Variants in GPR180 observed in about 807,000 individuals in gnomAD.
GPR180 encodes the protein integral membrane protein GPR180.
Under a neutral mutation model 52.6 loss-of-function variants are expected in GPR180, and 53 were observed. The observed-to-expected ratio is 1.01, with a 90% confidence interval of 0.81 to 1.27. The LOEUF (loss-of-function observed/expected upper bound fraction) is 1.27, where lower values mean the gene tolerates loss of function less well. GPR180 is among the 50% of genes most tolerant of loss of function. GPR180 has a pLI of 0.00. For missense variants in GPR180, 533 were observed against 527.0 expected (o/e 1.01, Z -0.11); for synonymous variants, 200 against 193.1 (o/e 1.04, Z -0.30).
Position 94,631,268 on chromosome 13 carries a change from C to T in GPR180, c.*4097C>T, listed in dbSNP as rs1346498901. The stretch of plus-strand genomic sequence containing the variant: ...TTCCACTCAGTTCCCACAGGTTCTA[C>T]TCATCCTAGCAAGTTCCTTGCTTCC... On this transcript the variant is annotated 3_prime_UTR_variant, in exon 9 of 9. Coordinates refer to ENST00000376958, the MANE Select transcript of GPR180 (RefSeq NM_180989.6). 6.6e-6 allele frequency: 1 copy of T among 152,250 alleles called. No individual in the cohort carries two copies. The highest frequency in any genetic ancestry group is 1.9e-4 in the East Asian group (1 of 5,190). 9.4% of individuals were successfully genotyped at this position (152,250 alleles called of 1,614,324 possible).
rs191839997 is a variant in GPR180, at chr13:94,628,769, T to C, written c.*1598T>C. 1 of 152,224 alleles carries C rather than the reference T, an allele frequency of 6.6e-6. No homozygotes were observed. Among genetic ancestry groups the C allele is most frequent in the Non-Finnish European group, 1.5e-5 (1 of 67,956 alleles). The allele number at this position is 152,224 out of a possible 1,614,324, so 9.4% of individuals were successfully genotyped here. A position where few individuals can be genotyped will look rare whatever the true frequency, so the allele number is the denominator to read the frequency against. ...TATGTTTTAGGTATACATGATCGTC[T>C]GAGTGGTCATAACCTTTTCTTTTAT... On this transcript the variant is annotated 3_prime_UTR_variant, in exon 9 of 9. Transcript: ENST00000376958.
At chr13:94,609,862 C>T (rs6492722) in intron 2 of GPR180, among the ~76,000 whole-genome samples, 52,679 of 151,574 alleles carry the variant, frequency 0.35, 10,725 homozygotes, top group African/African-American at 0.55. Flanking sequence ...CACCAATGAA[C>T]GAAATTCCCA....
rs992142068 is a variant in GPR180 at position 94,630,305 on chromosome 13, C to T, written c.*3134C>T. 1 of 152,220 alleles carries T rather than the reference C, an allele frequency of 6.6e-6. No homozygotes were observed. Among genetic ancestry groups the T allele is most frequent in the Non-Finnish European group, 1.5e-5 (1 of 68,058 alleles). 9.4% of individuals were successfully genotyped at this position (152,220 alleles called of 1,614,324 possible). ...TTGTGCTGTAGGAGTGCCATGAAGC[C>T]TGGAGGTGAGGAAAGAAGTGATCCT... On this transcript the variant is annotated 3_prime_UTR_variant, in exon 9 of 9. Transcript: ENST00000376958.
chr13:94,604,903 T>TA (rs777888051), intron 1 of GPR180, among the ~76,000 whole-genome samples: 1 of 152,202 alleles, frequency 6.6e-6, no homozygotes, highest in Non-Finnish European at 1.5e-5. Flanking sequence ...AAGTCGTAGA[T>TA]ACCAAATTTT....
rs566839892 is a variant in GPR180 at position 94,624,412 on chromosome 13, G to A, written c.1086+1112G>A. 3.9e-5 allele frequency among the ~76,000 whole-genome samples: 6 copies of A among 152,292 alleles called. No individual in the cohort carries two copies. In the South Asian group the frequency reaches 1.2e-3, roughly 32 times the overall value. On this transcript the variant is annotated intron_variant, in intron 7 of 8. Transcript: ENST00000376958. ...GCATTGCAAAGCTGCTGCTGCTGCA[G>A]CCCTAAGAACCAACTTCAGGCTTCT...
rs548660729 is a variant in GPR180, at chr13:94,629,707, T to C, written c.*2536T>C. On this transcript the variant is annotated 3_prime_UTR_variant, in exon 9 of 9. Coordinates refer to ENST00000376958, the MANE Select transcript of GPR180 (RefSeq NM_180989.6). ...TAAAATCAGAACATGCGCTTGAATA[T>C]CTGTAAGACCTCAGCACACTTCAGT... The C allele has an allele frequency of 6.6e-6, 1 of 152,340 alleles. No homozygotes were observed. The highest frequency in any genetic ancestry group is 1.9e-4 in the East Asian group (1 of 5,190). 9.4% of individuals were successfully genotyped at this position (152,340 alleles called of 1,614,324 possible).
intron 7 of GPR180, among the ~76,000 whole-genome samples, chr13:94,623,836 G>A (rs777590592): frequency 1.1e-4 from 17 of 151,952 alleles, no homozygotes; most frequent in East Asian, 1.9e-4. Flanking sequence ...TATTCTTTGC[G>A]GGTCAGTTTT....
chr13:94,624,621 G>C (rs563639609), intron 7 of GPR180, among the ~76,000 whole-genome samples: 1 of 152,204 alleles, frequency 6.6e-6, no homozygotes, highest in Non-Finnish European at 1.5e-5. Flanking sequence ...GCAGTGGCGT[G>C]ATCTCGGCTC....
intron 2 of GPR180, among the ~76,000 whole-genome samples, chr13:94,608,185 C>T (rs1889658270): frequency 6.6e-6 from 1 of 152,174 alleles, no homozygotes; most frequent in African/African-American, 2.4e-5. Flanking sequence ...AGTATCACTG[C>T]TAGTGATTTA....
At chr13:94,619,432 A>T (rs1284900853) in intron 4 of GPR180, 36 bp from the exon 5 acceptor site, 7 of 1,604,970 alleles carry the variant, frequency 4.4e-6, no homozygotes, top group Non-Finnish European at 6.0e-6. Context: ...TTTTTTTCAC[A>T]TTTGTAATTT....
rs529162623 is a variant in GPR180, at chr13:94,622,970, C to T, written c.895-139C>T. ...GTATTAGAGTGATGAAAAGACTGTA[C>T]TTTATTAATTAACAACCTCTATGGT... On this transcript the variant is annotated intron_variant, in intron 6 of 8. Transcript: ENST00000376958. 2.8e-4 allele frequency: 174 copies of T among 623,142 alleles called. No individual in the cohort carries two copies. In the African/African-American group the frequency reaches 3.0e-3, roughly 11 times the overall value. 38.6% of individuals were successfully genotyped at this position (623,142 alleles called of 1,614,324 possible). A position where few individuals can be genotyped will look rare whatever the true frequency, so the allele number is the denominator to read the frequency against.
chr13:94,620,965 A>G, intron 5 of GPR180, 113 bp from the exon 6 acceptor site: 1 of 915,806 alleles, frequency 1.1e-6, no homozygotes. Flanking sequence ...TCTCTTTGAA[A>G]ATGGCTTTTT....
Position 94,602,134 on chromosome 13 carries a change from C to A in GPR180, c.145+62C>A, listed in dbSNP as rs1013464794. On this transcript the variant is annotated intron_variant, in intron 1 of 8. Transcript: ENST00000376958. ...TGGCCCATCCCGCCGGCTGAGTCCG[C>A]CGGCCGCTCCTCCCGGCCCCTCCCT... 1,232 of 1,249,730 alleles carry A rather than the reference C, an allele frequency of 9.9e-4. 3 individuals carry two copies. The highest frequency in any genetic ancestry group is 1.7e-3 in the South Asian group (62 of 35,544). The allele number at this position is 1,249,730 out of a possible 1,614,324, so 77.4% of individuals were successfully genotyped here.
chr13:94,605,175 T>A (rs1251736148), intron 1 of GPR180, among the ~76,000 whole-genome samples: 1 of 152,214 alleles, frequency 6.6e-6, no homozygotes, highest in Non-Finnish European at 1.5e-5. Flanking sequence ...ATATCAGTTA[T>A]CAGCTGAATT....
At position 94,632,311 on chromosome 13, in the gene GPR180, C is replaced by T. The variant is rs1304531227; in HGVS notation, c.*5140C>T. ...AAGAAGTCCTTCTCTCACTCATTTC[C>T]CTTCCCTGAATCCAAACTCTGTTAC... is the stretch of plus-strand genomic sequence containing the variant. On this transcript the variant is annotated 3_prime_UTR_variant, in exon 9 of 9. Transcript: ENST00000376958. 1 of 152,122 alleles carries T rather than the reference C, an allele frequency of 6.6e-6. No homozygotes were observed. The highest frequency in any genetic ancestry group is 1.5e-5 in the Non-Finnish European group (1 of 68,020). The allele number at this position is 152,122 out of a possible 1,614,324, so 9.4% of individuals were successfully genotyped here.
intron 1 of GPR180, among the ~76,000 whole-genome samples, chr13:94,603,082 ATT>A (rs56263700): frequency 6.8e-6 from 1 of 148,040 alleles, no homozygotes. Flanking sequence ...AGGGATCCTG[ATT>A]TTTTTTTTTT....
intron 6 of GPR180, 90 bp from the exon 7 acceptor site, chr13:94,623,018 AT>A (rs1438259194): frequency 1.1e-6 from 1 of 892,712 alleles, no homozygotes; most frequent in Non-Finnish European, 1.7e-6. Context: ...TTTATATAAC[AT>A]TTAAAGGGAT....
chr13:94,628,593 A>G lies in GPR180; in HGVS notation c.*1422A>G, dbSNP rs1331839468. 1 of 152,064 alleles carries G rather than the reference A, an allele frequency of 6.6e-6. No individual in the cohort carries two copies. The highest frequency in any genetic ancestry group is 2.4e-5 in the African/African-American group (1 of 41,442). 9.4% of individuals were successfully genotyped at this position (152,064 alleles called of 1,614,324 possible). On this transcript the variant is annotated 3_prime_UTR_variant, in exon 9 of 9. Transcript: ENST00000376958. ...CCTAGTCTCATTGGAAATGACTAGT[A>G]TTCTGCCTCATTTTCAGGGCAGAAT...
chr13:94,608,301 T>C (rs542740031), intron 2 of GPR180, among the ~76,000 whole-genome samples: 2 of 152,332 alleles, frequency 1.3e-5, no homozygotes, highest in Non-Finnish European at 2.9e-5. Flanking sequence ...GCTGCCATTC[T>C]CGTTATAACT....
Sources: allele counts gnomAD v4.1 joint callset (sites outside exome capture counted in the v4.1 genomes callset), GRCh38; gene constraint gnomAD v4.1.1; transcripts MANE v1.5; gene names NCBI Gene and HGNC (gene_info 2026-07-23, HGNC 2026-07-21).